The following AKIRIN2 variants were observed in gnomAD, a reference collection of about 807,000 sequenced individuals.
The protein encoded by AKIRIN2 is akirin 2.
Under a neutral mutation model 29.3 loss-of-function variants are expected in AKIRIN2, and 6 were observed. The observed-to-expected ratio is 0.20, with a 90% CI of 0.11 to 0.40. AKIRIN2 has a LOEUF of 0.40. Ranked by LOEUF, AKIRIN2 falls within the 10% of genes least tolerant of loss-of-function variation. AKIRIN2 has a pLI of 1.00. For missense variants in AKIRIN2, 210 were observed against 276.1 expected (o/e 0.76, Z 1.70); for synonymous variants, 128 against 117.5 (o/e 1.09, Z -0.58).
chr6:87,695,210 G>C (rs771461565), intron 1 of AKIRIN2, among the ~76,000 whole-genome samples: 29 of 152,128 alleles, frequency 1.9e-4, no homozygotes, highest in Non-Finnish European at 3.5e-4. Context: ...CCAGAAAAAT[G>C]AAGAGAGAAA....
At chr6:87,680,062 T>C (rs1771092153) in intron 2 of AKIRIN2, among the ~76,000 whole-genome samples, 1 of 152,162 alleles carries the variant, frequency 6.6e-6, no homozygotes, top group Non-Finnish European at 1.5e-5. Context: ...ACTTTCACAT[T>C]CCCAGCTTTG....
chr6:87,689,816 G>C (rs1042055195), intron 1 of AKIRIN2, among the ~76,000 whole-genome samples: 18 of 152,220 alleles, frequency 1.2e-4, no homozygotes, highest in African/African-American at 4.1e-4. Flanking sequence ...AGGTGATGCT[G>C]CCGGTCAGGA....
At chr6:87,701,362 C>T in intron 1 of AKIRIN2, 88 bp downstream of exon 1, 4 of 1,368,438 alleles carry the variant, frequency 2.9e-6, no homozygotes, top group Non-Finnish European at 3.9e-6. Context: ...CAGTCCGGCA[C>T]CCCCACCCCA....
chr6:87,696,379 CAA>C (rs1190124828), intron 1 of AKIRIN2, among the ~76,000 whole-genome samples: 3 of 151,964 alleles, frequency 2.0e-5, no homozygotes, highest in African/African-American at 7.3e-5. Context: ...TTGCTGTGCT[CAA>C]GTTAGGCTTT....
At chr6:87,685,645 A>T (rs1478127230) in intron 1 of AKIRIN2, among the ~76,000 whole-genome samples, 1 of 152,220 alleles carries the variant, frequency 6.6e-6, no homozygotes, top group East Asian at 1.9e-4. Context: ...CATAGACTGA[A>T]TTTGCAGCAA....
Position 87,677,921 on chromosome 6 carries a change from T to G in AKIRIN2, c.426A>C (p.Leu142Phe). The change falls in exon 3 of 5, where the codon TTA (leucine) becomes TTC (phenylalanine). Residue 142 changes from leucine to phenylalanine, a missense_variant. Physicochemically the swap from Leu to Phe is conservative, Grantham distance 22. Around this residue, in one of 2 missense-constraint regions of AKIRIN2, gnomAD observed 199 missense variants for 236.5 expected, o/e 0.84. Coordinates refer to ENST00000257787, the MANE Select transcript of AKIRIN2 (RefSeq NM_018064.4). ...ASSPLKKEQP[L>F]FTLRQVGMIC... ...TCATCCCAACCTGCCGTAGAGTAAA[T>G]AAGGGCTGTTCTTTTTTTAATGGTG... is the stretch of plus-strand genomic sequence containing the variant. 6.2e-7 allele frequency: 1 copy of G among 1,614,044 alleles called. No individual in the cohort carries two copies. Among genetic ancestry groups the G allele is most frequent in the Non-Finnish European group, 8.5e-7 (1 of 1,179,980 alleles).
chr6:87,687,453 A>AAAAAAG (rs2128301850), intron 1 of AKIRIN2, among the ~76,000 whole-genome samples: 1 of 151,260 alleles, frequency 6.6e-6, no homozygotes, highest in African/African-American at 2.4e-5. Context: ...AAAAAAAAAA[A>AAAAAAG]AAACACACTA....
intron 1 of AKIRIN2, among the ~76,000 whole-genome samples, chr6:87,685,791 G>A (rs962284545): frequency 6.6e-6 from 1 of 152,152 alleles, no homozygotes; most frequent in Non-Finnish European, 1.5e-5. Flanking sequence ...GTCATTATTA[G>A]CAAGTTCTAC....
intron 1 of AKIRIN2, among the ~76,000 whole-genome samples, chr6:87,692,968 C>T (rs1192512001): frequency 6.6e-6 from 1 of 152,210 alleles, no homozygotes; most frequent in Non-Finnish European, 1.5e-5. Flanking sequence ...GTGGCTCACG[C>T]CTGTAATCCC....
chr6:87,681,910 T>C (rs1483539754), intron 1 of AKIRIN2, 147 bp from the exon 2 acceptor site: 1 of 694,522 alleles, frequency 1.4e-6, no homozygotes, highest in African/African-American at 1.8e-5. Context: ...TAGGAACTCA[T>C]TTCAGCATAA....
intron 1 of AKIRIN2, among the ~76,000 whole-genome samples, chr6:87,692,351 G>A (rs970106904): frequency 6.6e-6 from 1 of 152,172 alleles, no homozygotes; most frequent in African/African-American, 2.4e-5. Flanking sequence ...CACATTTCCT[G>A]AGATGAGAAA....
intron 1 of AKIRIN2, among the ~76,000 whole-genome samples, chr6:87,693,588 G>A (rs113640145): frequency 0.016 from 2,425 of 152,060 alleles, 70 homozygotes; most frequent in African/African-American, 0.054. Flanking sequence ...AGCCAGGTGT[G>A]GCAGTGCGCA....
At chr6:87,691,700 A>G (rs1012705835) in intron 1 of AKIRIN2, among the ~76,000 whole-genome samples, 1 of 152,154 alleles carries the variant, frequency 6.6e-6, no homozygotes. Context: ...GTCAAAGGAG[A>G]AAAAGGCCAT....
intron 2 of AKIRIN2, among the ~76,000 whole-genome samples, chr6:87,681,195 G>A (rs143694521): frequency 0.031 from 4,760 of 152,118 alleles, 249 homozygotes; most frequent in African/African-American, 0.11. Flanking sequence ...GTGCCACCAC[G>A]CCCAGCTAAT....
intron 1 of AKIRIN2, among the ~76,000 whole-genome samples, chr6:87,699,030 A>G (rs1407796523): frequency 6.6e-6 from 1 of 152,244 alleles, no homozygotes; most frequent in East Asian, 1.9e-4. Flanking sequence ...CAGATGTGAA[A>G]GGAAAACAAA....
rs770627861 is a variant in AKIRIN2, at chr6:87,681,675, A to C, written c.324T>G (p.Cys108Trp). The C allele has an allele frequency of 6.2e-7, 1 of 1,613,826 alleles. No individual in the cohort carries two copies. The highest frequency in any genetic ancestry group is 1.1e-5 in the South Asian group (1 of 90,998). Residue 108 changes from cysteine (C) to tryptophan (W), a missense_variant, in exon 2 of 5, where the codon TGT (cysteine) becomes TGG (tryptophan). This residue lies in a region of AKIRIN2 where 199 missense variants were observed against 236.5 expected (regional missense o/e 0.84). Transcript: ENST00000257787. ...CATGTGGCTGTGCATCAGAAGTACAACACGGATCTGTCTGTTGGAAACTCG... is the reference window on the plus strand; with the variant it reads ...CATGTGGCTGTGCATCAGAAGTACACCACGGATCTGTCTGTTGGAAACTCG... ...LETSFQQTDPCCTSDAQPHAF... is the reference protein window; with the variant it reads ...LETSFQQTDPWCTSDAQPHAF...
chr6:87,685,979 G>A (rs1771179484), intron 1 of AKIRIN2, among the ~76,000 whole-genome samples: 1 of 152,038 alleles, frequency 6.6e-6, no homozygotes, highest in African/African-American at 2.4e-5. Context: ...CTTTGGGAGG[G>A]TGAGGCAGGA....
intron 1 of AKIRIN2, among the ~76,000 whole-genome samples, chr6:87,693,596 G>A (rs553081614): frequency 8.1e-4 from 123 of 151,902 alleles, no homozygotes; most frequent in East Asian, 7.8e-4. Context: ...GTGGCAGTGC[G>A]CACCTGTAAT....
rs1011597120 is a variant in AKIRIN2 at position 87,701,794 on chromosome 6, G to C, written c.-110C>G. On this transcript the variant is annotated 5_prime_UTR_variant, in exon 1 of 5. Transcript: ENST00000257787. ...GGAACTCGAGGAGAGCCTACCCGAC[G>C]GGCTCAGGAGCCAAGCGGGTCGCGG... 15 of 767,304 alleles carry C rather than the reference G, an allele frequency of 2.0e-5. No homozygotes were observed. In the African/African-American group the frequency reaches 2.2e-4, roughly 11 times the overall value. The allele number at this position is 767,304 out of a possible 1,614,324, so 47.5% of individuals were successfully genotyped here. A position where few individuals can be genotyped will look rare whatever the true frequency, so the allele number is the denominator to read the frequency against.
Sources: allele counts gnomAD v4.1 joint callset (sites outside exome capture counted in the v4.1 genomes callset), GRCh38; gene constraint gnomAD v4.1.1; regional missense constraint gnomAD v4.1.1; transcripts MANE v1.5; gene names NCBI Gene and HGNC (gene_info 2026-07-23, HGNC 2026-07-21).